ARHGAP24: variants seen among roughly 807,000 people sequenced by gnomAD.
ARHGAP24 encodes the protein rho GTPase-activating protein 24.
Under a neutral mutation model 76.4 loss-of-function variants are expected in ARHGAP24, and 50 were observed. The ratio of observed to expected loss-of-function variants is 0.65; its 90% confidence interval spans 0.52 to 0.83. The LOEUF (loss-of-function observed/expected upper bound fraction) is 0.83. ARHGAP24 is among the 40% of genes least tolerant of loss of function. The pLI is 0.00. For synonymous variants in ARHGAP24, 345 were observed against 323.3 expected (o/e 1.07, Z -0.72); for missense variants, 930 against 914.2 (o/e 1.02, Z -0.22).
chr4:85,895,515 T>C (rs911388056), intron 3 of ARHGAP24, among the ~76,000 whole-genome samples: 2 of 152,232 alleles, frequency 1.3e-5, no homozygotes, highest in Admixed American at 1.3e-4. Flanking sequence ...TCATCTTTTG[T>C]GCTTGTTTTC....
chr4:85,930,358 C>G (rs920031517), intron 4 of ARHGAP24: 1 of 986,428 alleles, frequency 1.0e-6, no homozygotes, highest in Non-Finnish European at 1.2e-6. Flanking sequence ...CAGGGGGGTC[C>G]TTTGAAAGAA....
At chr4:85,597,551 C>T (rs529800017) in intron 2 of ARHGAP24, among the ~76,000 whole-genome samples, 86 of 152,014 alleles carry the variant, frequency 5.7e-4, no homozygotes, top group African/African-American at 2.0e-3. Context: ...AGTCATATGG[C>T]TACTGGAAAG....
chr4:85,769,341 T>A (rs7684989), intron 3 of ARHGAP24, among the ~76,000 whole-genome samples: 3 of 152,128 alleles, frequency 2.0e-5, no homozygotes, highest in Non-Finnish European at 4.4e-5. Flanking sequence ...TTCTTAACCA[T>A]CTGATAAGTT....
chr4:85,867,891 G>A (rs1284604583), intron 3 of ARHGAP24, among the ~76,000 whole-genome samples: 5 of 33,330 alleles, frequency 1.5e-4, no homozygotes, highest in South Asian at 3.0e-3. Context: ...TATAATGTGT[G>A]TGTGTACATA....
intron 5 of ARHGAP24, among the ~76,000 whole-genome samples, chr4:85,950,363 G>A (rs796660865): frequency 4.6e-5 from 7 of 152,154 alleles, no homozygotes; most frequent in African/African-American, 1.7e-4. Flanking sequence ...AGCTGCCTTT[G>A]GTGGTGCACA....
chr4:85,721,677 A>G (rs1415296501), intron 2 of ARHGAP24, among the ~76,000 whole-genome samples: 3 of 152,322 alleles, frequency 2.0e-5, no homozygotes, highest in East Asian at 3.9e-4. Context: ...TTAGTCTTAT[A>G]CATATTAGAT....
At chr4:85,617,604 A>G (rs1331709367) in intron 2 of ARHGAP24, among the ~76,000 whole-genome samples, 1 of 152,156 alleles carries the variant, frequency 6.6e-6, no homozygotes, top group East Asian at 1.9e-4. Context: ...TAGATTTCCA[A>G]TCTTCTGTTA....
chr4:85,761,299 G>A (rs1726723040), intron 3 of ARHGAP24, among the ~76,000 whole-genome samples: 1 of 152,200 alleles, frequency 6.6e-6, no homozygotes, highest in South Asian at 2.1e-4. Flanking sequence ...TCTAGAGATA[G>A]TTCTCCAGGC....
At chr4:85,722,895 A>G (rs985461654) in intron 3 of ARHGAP24, among the ~76,000 whole-genome samples, 1 of 152,192 alleles carries the variant, frequency 6.6e-6, no homozygotes, top group Non-Finnish European at 1.5e-5. Context: ...AAATGCTGGG[A>G]ATCTAAAATG....
intron 1 of ARHGAP24, among the ~76,000 whole-genome samples, chr4:85,508,856 C>T (rs1417723943): frequency 1.3e-5 from 2 of 152,056 alleles, no homozygotes; most frequent in African/African-American, 4.8e-5. Flanking sequence ...CTATTGTCCT[C>T]CACCCACATT....
intron 2 of ARHGAP24, among the ~76,000 whole-genome samples, chr4:85,688,767 G>A (rs936983503): frequency 2.0e-4 from 30 of 152,088 alleles, no homozygotes; most frequent in African/African-American, 7.2e-4. Context: ...GTGAAAGGAA[G>A]GGGTCCAGTT....
At chr4:85,993,609 A>G (rs1740468320) in intron 8 of ARHGAP24, among the ~76,000 whole-genome samples, 1 of 152,158 alleles carries the variant, frequency 6.6e-6, no homozygotes, top group Non-Finnish European at 1.5e-5. Context: ...TGCTGTTGTA[A>G]TGAAATTATG....
chr4:85,726,907 G>A (rs547161499), intron 3 of ARHGAP24, among the ~76,000 whole-genome samples: 135 of 152,222 alleles, frequency 8.9e-4, no homozygotes, highest in African/African-American at 3.1e-3. Context: ...TGTGGCTCAC[G>A]CCTGTAATCC....
At chr4:85,931,308 A>G (rs1736318889) in intron 4 of ARHGAP24, among the ~76,000 whole-genome samples, 1 of 152,060 alleles carries the variant, frequency 6.6e-6, no homozygotes, top group African/African-American at 2.4e-5. Context: ...ACAGGGGACT[A>G]AGTAAGCTGG....
intron 3 of ARHGAP24, among the ~76,000 whole-genome samples, chr4:85,722,824 G>C (rs1222434259): frequency 6.6e-6 from 1 of 152,172 alleles, no homozygotes; most frequent in Non-Finnish European, 1.5e-5. Context: ...ATTTGGGTAA[G>C]TAATGTGGAG....
At chr4:85,770,955 A>T (rs1317546972) in intron 3 of ARHGAP24, among the ~76,000 whole-genome samples, 1 of 152,162 alleles carries the variant, frequency 6.6e-6, no homozygotes, top group Non-Finnish European at 1.5e-5. Flanking sequence ...TGACTTACTA[A>T]TGGTTACATT....
chr4:85,489,479 A>G (rs1723274931), intron 1 of ARHGAP24, among the ~76,000 whole-genome samples: 1 of 152,168 alleles, frequency 6.6e-6, no homozygotes, highest in Non-Finnish European at 1.5e-5. Flanking sequence ...GATGACTCAG[A>G]GGGACTCCTT....
chr4:85,689,451 A>G (rs188234862), intron 2 of ARHGAP24, among the ~76,000 whole-genome samples: 63 of 152,218 alleles, frequency 4.1e-4, no homozygotes, highest in African/African-American at 1.3e-3. Context: ...CAGTGGTGCA[A>G]TCTCAGCTCA....
At chr4:85,580,491 CTTTT>C (rs1727563068) in intron 2 of ARHGAP24, among the ~76,000 whole-genome samples, 1 of 152,164 alleles carries the variant, frequency 6.6e-6, no homozygotes, top group Non-Finnish European at 1.5e-5. Context: ...TGGGGACCCA[CTTTT>C]CATTATTTCA....
Sources: allele counts gnomAD v4.1 joint callset (sites outside exome capture counted in the v4.1 genomes callset), GRCh38; gene constraint gnomAD v4.1.1; transcripts MANE v1.5; gene names NCBI Gene and HGNC (gene_info 2026-07-23, HGNC 2026-07-21).